The following FANCD2 variants were observed in gnomAD, a reference collection of about 807,000 sequenced individuals.
The protein encoded by FANCD2 is Fanconi anemia group D2 protein.
A neutral mutation model predicts 192.3 loss-of-function variants in FANCD2; 131 were observed. That is an observed-to-expected ratio of 0.68 (90% CI 0.59 to 0.79). The LOEUF (loss-of-function observed/expected upper bound fraction) is 0.79. Among genes scored for constraint, FANCD2 ranks in the 30% least tolerant of loss-of-function variants. The pLI is 0.00. For synonymous variants in FANCD2, 524 were observed against 612.5 expected (o/e 0.86, Z 2.13); for missense variants, 1,508 against 1,701.6 (o/e 0.89, Z 2.00).
Position 10,092,220 on chromosome 3 carries a change from C to A in FANCD2, c.3817C>A (p.Arg1273=). ...ACTCCTCTACTGGAACATGGCTGTT[C>A]GAGACTTCAGTATCCTCATCAACTT... The part of the protein sequence containing the change: ...EKLLYWNMAV[R]DFSILINLIK... Residue 1273 remains arginine (R), a synonymous_variant, in exon 38 of 44, where the codon CGA becomes AGA. Transcript: ENST00000675286. 2 of 1,613,916 alleles carry A rather than the reference C, an allele frequency of 1.2e-6. No individual in the cohort carries two copies. The highest frequency in any genetic ancestry group is 1.7e-6 in the Non-Finnish European group (2 of 1,179,846).
intron 40 of FANCD2, 30 bp downstream of exon 40, chr3:10,094,393 T>C (rs767512318): frequency 1.3e-6 from 2 of 1,575,766 alleles, no homozygotes; most frequent in African/African-American, 2.7e-5. Context: ...AACAAAGATA[T>C]GCACTGAAGA....
intron 26 of FANCD2, among the ~76,000 whole-genome samples, chr3:10,070,191 G>GC (rs1559392681): frequency 7.2e-6 from 1 of 139,500 alleles, no homozygotes; most frequent in Admixed American, 7.1e-5. Flanking sequence ...CCCGGCAACC[G>GC]CCCCGTCTGA....
At chr3:10,088,763 A>C in intron 35 of FANCD2, 65 bp from the exon 36 acceptor site, 1 of 1,540,128 alleles carries the variant, frequency 6.5e-7, no homozygotes, top group Admixed American at 1.7e-5. Flanking sequence ...TAGAGGAATT[A>C]GAGGAATCTG....
intron 15 of FANCD2, 123 bp downstream of exon 15, chr3:10,046,846 A>C: frequency 1.2e-6 from 1 of 869,254 alleles, no homozygotes. Context: ...TTGTTTTTGC[A>C]TTAATCATTT....
Position 10,081,146 on chromosome 3 carries a change from C to G in FANCD2, c.3023C>G (p.Ser1008Cys), listed in dbSNP as rs763101310. 1.2e-6 allele frequency: 2 copies of G among 1,613,976 alleles called. No homozygotes were observed. The highest frequency in any genetic ancestry group is 2.7e-5 in the African/African-American group (2 of 74,940). Residue 1008 changes from serine to cysteine, a missense_variant, in exon 31 of 44, where the codon TCT (serine) becomes TGT (cysteine). Physicochemically the swap from Ser to Cys is moderately radical, Grantham distance 112. Transcript: ENST00000675286. The part of the protein sequence containing the change: ...NIGFSHLQQR[S>C]AQEIVHCVFQ... ...GGATTCTCACATCTCCAACAGAGAT[C>G]TGCCCAAGAAATTGTTCATTGTGTT...
At chr3:10,069,652 C>T (rs1328458798) in intron 26 of FANCD2, among the ~76,000 whole-genome samples, 10 of 152,142 alleles carry the variant, frequency 6.6e-5, no homozygotes, top group African/African-American at 1.7e-4. Context: ...TTGGTGGAGA[C>T]GGGGTTTCGC....
chr3:10,077,205 C>T lies in FANCD2; in HGVS notation c.2860-876C>T, dbSNP rs568651838. On this transcript the variant is annotated intron_variant, in intron 29 of 43. Transcript: ENST00000675286. ...CTGTGAACACAATATTGCACTCCAG[C>T]CTGAGCAACAGAGCGAGACCCTGTC... Among the ~76,000 whole-genome samples the T allele has an allele frequency of 1.8e-4, 28 of 152,028 alleles. No homozygotes were observed. The South Asian group carries it at 2.9e-3, about 16-fold the overall frequency.
At chr3:10,057,146 G>T (rs2087436877) in intron 18 of FANCD2, among the ~76,000 whole-genome samples, 1 of 152,094 alleles carries the variant, frequency 6.6e-6, no homozygotes. Flanking sequence ...ATGAGCCACC[G>T]TGCTCAGCCC....
At chr3:10,080,535 C>A (rs1001381633) in intron 30 of FANCD2, among the ~76,000 whole-genome samples, 2 of 152,210 alleles carry the variant, frequency 1.3e-5, no homozygotes, top group African/African-American at 4.8e-5. Context: ...CTTTGGGAGT[C>A]CAAGATGGGT....
chr3:10,059,911 C>T (rs1457185356), intron 18 of FANCD2, among the ~76,000 whole-genome samples: 1 of 152,082 alleles, frequency 6.6e-6, no homozygotes, highest in Non-Finnish European at 1.5e-5. Context: ...TGGTTCACAC[C>T]TGTAATCCCA....
intron 16 of FANCD2, among the ~76,000 whole-genome samples, chr3:10,048,901 C>G (rs1438184718): frequency 6.6e-6 from 1 of 152,274 alleles, no homozygotes; most frequent in African/African-American, 2.4e-5. Context: ...GCATCTAAGA[C>G]ATTTCTGGAC....
Position 10,064,348 on chromosome 3 carries a change from T to C in FANCD2, c.1948-8T>C, listed in dbSNP as rs2087653516. 3 of 1,596,994 alleles carry C rather than the reference T, an allele frequency of 1.9e-6. No individual in the cohort carries two copies. In the South Asian group the frequency reaches 3.3e-5, roughly 18 times the overall value. On this transcript the variant is annotated splice_region_variant and splice_polypyrimidine_tract_variant and intron_variant, in intron 21 of 43. Transcript: ENST00000675286. ...GCACTGCCCTTTTTGTTTGTTTGCT[T>C]CCTGAAGGAATGGGTTGGGCATACC...
intron 29 of FANCD2, among the ~76,000 whole-genome samples, chr3:10,077,232 C>T (rs1196704738): frequency 6.6e-6 from 1 of 151,842 alleles, no homozygotes; most frequent in East Asian, 1.9e-4. Context: ...GACCCTGTCT[C>T]AAATATAAGT....
intron 14 of FANCD2, among the ~76,000 whole-genome samples, chr3:10,045,976 AATCT>A (rs1210189533): frequency 6.6e-6 from 1 of 151,776 alleles, no homozygotes; most frequent in African/African-American, 2.4e-5. Flanking sequence ...CAAGTGATTG[AATCT>A]TTCTTTTAAT....
intron 43 of FANCD2, among the ~76,000 whole-genome samples, chr3:10,100,194 A>G (rs1695219656): frequency 6.6e-6 from 1 of 152,144 alleles, no homozygotes; most frequent in Non-Finnish European, 1.5e-5. Context: ...TAAAAAAGTT[A>G]TTTTATTTAC....
At chr3:10,098,275 C>T (rs1391132013) in intron 42 of FANCD2, among the ~76,000 whole-genome samples, 3 of 152,102 alleles carry the variant, frequency 2.0e-5, no homozygotes, top group Non-Finnish European at 4.4e-5. Context: ...TGGGTGGAGC[C>T]GGAGTTTGAG....
intron 3 of FANCD2, among the ~76,000 whole-genome samples, chr3:10,033,528 G>A (rs7426517): frequency 0.025 from 3,730 of 151,802 alleles, 176 homozygotes; most frequent in African/African-American, 0.085. Flanking sequence ...GTTTTCTTAT[G>A]AAAAAATAAA....
At chr3:10,093,386 C>A in intron 39 of FANCD2, 63 bp downstream of exon 39, 1 of 1,346,940 alleles carries the variant, frequency 7.4e-7, no homozygotes, top group Non-Finnish European at 1.1e-6. Flanking sequence ...TAGAGAGGAC[C>A]TCAGCTGAGA....
chr3:10,083,609 C>T (rs1371282801), intron 32 of FANCD2: 3 of 152,260 alleles, frequency 2.0e-5, no homozygotes, highest in African/African-American at 7.2e-5. Flanking sequence ...CGTCCACCGA[C>T]CAGGCGCAGT....
Sources: allele counts gnomAD v4.1 joint callset (sites outside exome capture counted in the v4.1 genomes callset), GRCh38; gene constraint gnomAD v4.1.1; transcripts MANE v1.5; gene names NCBI Gene and HGNC (gene_info 2026-07-23, HGNC 2026-07-21).